GABRB3: variants seen among roughly 807,000 people sequenced by gnomAD.
GABRB3 encodes gamma-aminobutyric acid type A receptor subunit beta3.
GABRB3 carries 14 observed loss-of-function variants against 52.1 expected under a neutral mutation model. The ratio of observed to expected loss-of-function variants is 0.27; its 90% CI spans 0.18 to 0.42. The LOEUF (loss-of-function observed/expected upper bound fraction) is 0.42, where lower values mean the gene tolerates loss of function less well. Ranked by LOEUF, GABRB3 falls within the 10% of genes least tolerant of loss-of-function variation. The probability of loss-of-function intolerance (pLI) is 1.00; values close to 1 mark genes in which losing one functional copy is unlikely to be tolerated. For missense variants in GABRB3, 307 were observed against 609.1 expected, an observed-to-expected ratio of 0.50 and a Z score of 5.22; for synonymous variants, 260 against 232.3, an observed-to-expected ratio of 1.12 and a Z score of -1.08.
chr15:26,583,875 C>T (rs1239941003), intron 4 of GABRB3, among the ~76,000 whole-genome samples: 31 of 151,350 alleles, frequency 2.0e-4, no homozygotes, highest in East Asian at 1.2e-3. Context: ...CCCAGGTTCA[C>T]GCCGTTCTCC....
chr15:26,615,860 G>C lies in GABRB3; in HGVS notation c.461+5454C>G, dbSNP rs112868910. On this transcript the variant is annotated intron_variant, in intron 4 of 8. Transcript: ENST00000311550. ...AGAGAAATTCAGTCTGAAGGTCTCA[G>C]TGATACAGCCAGTCCAACCAGTATT... The C allele has an allele frequency of 2.3e-3, 2,812 of 1,234,282 alleles. 38 individuals carry two copies. The African/African-American group carries it at 0.037, about 16-fold the overall frequency. 76.5% of individuals were successfully genotyped at this position (1,234,282 alleles called of 1,614,324 possible). A position where few individuals can be genotyped will look rare whatever the true frequency, so the allele number is the denominator to read the frequency against.
intron 3 of GABRB3, among the ~76,000 whole-genome samples, chr15:26,673,779 G>A (rs1887971995): frequency 6.6e-6 from 1 of 152,168 alleles, no homozygotes; most frequent in South Asian, 2.1e-4. Context: ...GCACCAGAGT[G>A]TTAAAAACTT....
intron 3 of GABRB3, among the ~76,000 whole-genome samples, chr15:26,642,068 A>AT (rs951581162): frequency 2.6e-5 from 4 of 151,896 alleles, no homozygotes; most frequent in South Asian, 2.1e-4. Context: ...TTGTTAAAGA[A>AT]TTTTTTGCGA....
intron 8 of GABRB3, among the ~76,000 whole-genome samples, chr15:26,555,813 A>C (rs534813591): frequency 6.6e-6 from 1 of 152,362 alleles, no homozygotes; most frequent in South Asian, 2.1e-4. Flanking sequence ...CTTAGTGTTA[A>C]ATAGTTTGGC....
At chr15:26,669,188 T>C (rs1193097682) in intron 3 of GABRB3, among the ~76,000 whole-genome samples, 2 of 152,212 alleles carry the variant, frequency 1.3e-5, no homozygotes. Context: ...GTATCTGCTC[T>C]GTGACCCCCA....
intron 8 of GABRB3, among the ~76,000 whole-genome samples, chr15:26,559,350 C>G (rs1253297135): frequency 6.6e-6 from 1 of 152,168 alleles, no homozygotes; most frequent in Non-Finnish European, 1.5e-5. Context: ...CTTCCTGAAA[C>G]CACCTCAAAA....
intron 3 of GABRB3, among the ~76,000 whole-genome samples, chr15:26,697,302 C>T (rs554642529): frequency 1.1e-4 from 16 of 152,186 alleles, no homozygotes; most frequent in Admixed American, 6.5e-4. Flanking sequence ...CCTTTGAATG[C>T]CTTGGAAATA....
rs1287889828 is a variant in GABRB3, at chr15:26,544,181, G to C, written c.*3612C>G. On this transcript the variant is annotated 3_prime_UTR_variant, in exon 9 of 9. Coordinates refer to ENST00000311550, the MANE Select transcript of GABRB3 (RefSeq NM_000814.6). Reference sequence around the variant, plus strand: ...GAGTTAAAATAAGAATTAAGTGATGGTTTATACTTTCAAGCCAGGAGATTC... The same window carrying C: ...GAGTTAAAATAAGAATTAAGTGATGCTTTATACTTTCAAGCCAGGAGATTC... 6.6e-6 allele frequency: 1 copy of C among 152,544 alleles called. No individual in the cohort carries two copies. Among genetic ancestry groups the C allele is most frequent in the Non-Finnish European group, 1.5e-5 (1 of 68,032 alleles). 9.4% of individuals were successfully genotyped at this position (152,544 alleles called of 1,614,324 possible).
intron 3 of GABRB3, among the ~76,000 whole-genome samples, chr15:26,669,604 G>GTCTC (rs141362402): frequency 6.7e-6 from 1 of 148,772 alleles, no homozygotes; most frequent in African/African-American, 2.5e-5. Context: ...GACTCACTCT[G>GTCTC]TCTCTCTCTC....
At chr15:26,648,751 A>G (rs1325347897) in intron 3 of GABRB3, among the ~76,000 whole-genome samples, 4 of 152,250 alleles carry the variant, frequency 2.6e-5, no homozygotes, top group African/African-American at 9.6e-5. Flanking sequence ...GTGCGTCAGC[A>G]GGGCGAGGCA....
intron 3 of GABRB3, among the ~76,000 whole-genome samples, chr15:26,745,625 C>G (rs1368051340): frequency 7.9e-5 from 12 of 152,194 alleles, no homozygotes; most frequent in Admixed American, 4.6e-4. Context: ...TACCCACACC[C>G]CTCCTCCACT....
At chr15:26,642,338 T>C in intron 3 of GABRB3, 1 of 411,910 alleles carries the variant, frequency 2.4e-6, no homozygotes, top group Non-Finnish European at 4.4e-6. Flanking sequence ...CTTGAATATG[T>C]GTGGATTTTG....
chr15:26,649,882 T>A (rs954838282), intron 3 of GABRB3, among the ~76,000 whole-genome samples: 4 of 152,192 alleles, frequency 2.6e-5, no homozygotes, highest in African/African-American at 7.2e-5. Context: ...TAATGTTTTG[T>A]AATTTCCGAA....
At chr15:26,593,169 C>T (rs576741025) in intron 4 of GABRB3, among the ~76,000 whole-genome samples, 53 of 152,152 alleles carry the variant, frequency 3.5e-4, no homozygotes, top group Middle Eastern at 6.8e-3. Context: ...TACTCAAAGG[C>T]AGAAGCTTTG....
intron 3 of GABRB3, among the ~76,000 whole-genome samples, chr15:26,651,567 A>G (rs968388983): frequency 6.6e-6 from 1 of 152,232 alleles, no homozygotes; most frequent in African/African-American, 2.4e-5. Context: ...TGCTAAGATA[A>G]TGCTAAGAAG....
At chr15:26,711,378 C>T (rs1439465623) in intron 3 of GABRB3, among the ~76,000 whole-genome samples, 1 of 152,194 alleles carries the variant, frequency 6.6e-6, no homozygotes, top group East Asian at 1.9e-4. Flanking sequence ...GAAACTGGCC[C>T]TCCGACCCCC....
chr15:26,659,500 C>T (rs775726217), intron 3 of GABRB3, among the ~76,000 whole-genome samples: 9 of 151,832 alleles, frequency 5.9e-5, no homozygotes, highest in Non-Finnish European at 8.8e-5. Flanking sequence ...CCAGCCTAGG[C>T]GACAGAGAGA....
intron 3 of GABRB3, among the ~76,000 whole-genome samples, chr15:26,729,730 C>T (rs1339943327): frequency 6.6e-6 from 1 of 152,164 alleles, no homozygotes; most frequent in East Asian, 1.9e-4. Flanking sequence ...CCCCAGCAGG[C>T]TCCTTCACTT....
At chr15:26,616,876 A>G (rs1328700884) in intron 4 of GABRB3, among the ~76,000 whole-genome samples, 3 of 152,192 alleles carry the variant, frequency 2.0e-5, no homozygotes, top group Non-Finnish European at 4.4e-5. Flanking sequence ...TATGTATTAC[A>G]TAATTCTATT....
Sources: gnomAD v4.1 joint callset for allele counts (sites outside exome capture counted in the v4.1 genomes callset) on GRCh38, gnomAD v4.1.1 for gene constraint, MANE v1.5 for transcripts, NCBI Gene and HGNC (gene_info 2026-07-23, HGNC 2026-07-21) for gene names.